Variants in WWOX observed in about 807,000 individuals in gnomAD.
The protein encoded by WWOX is WW domain containing oxidoreductase, also known as WW domain-containing oxidoreductase.
A neutral mutation model predicts 46.2 loss-of-function variants in WWOX; 69 were observed. That is an observed-to-expected ratio of 1.49 (90% confidence interval 1.23 to 1.82). WWOX has a LOEUF of 1.82. WWOX is among the 40% of genes most tolerant of loss of function. WWOX has a pLI of 0.00. For missense variants in WWOX, 919 were observed against 542.6 expected (o/e 1.69, Z -6.89); for synonymous variants, 359 against 202.6 (o/e 1.77, Z -6.56).
chr16:78,963,465 C>G (rs1167104277), intron 8 of WWOX, among the ~76,000 whole-genome samples: 2 of 152,134 alleles, frequency 1.3e-5, no homozygotes, highest in African/African-American at 2.4e-5. Flanking sequence ...AATACCCCGT[C>G]TCAGAAACAA....
At position 78,582,218 on chromosome 16, in the gene WWOX, A is replaced by G. The variant is rs535499165; in HGVS notation, c.1056+149466A>G. On this transcript the variant is annotated intron_variant, in intron 8 of 8. Coordinates refer to ENST00000566780, the MANE Select transcript of WWOX (RefSeq NM_016373.4). ...AGAAGAATGTTCCTAAGTGGTCAATACATGGCCAAAGTGTGTCAGGTGAAG... is the reference window on the plus strand; with the variant it reads ...AGAAGAATGTTCCTAAGTGGTCAATGCATGGCCAAAGTGTGTCAGGTGAAG... Among the ~76,000 whole-genome samples the G allele has an allele frequency of 5.9e-5, 9 of 152,328 alleles. No homozygotes were observed. In the South Asian group the frequency reaches 1.9e-3, roughly 32 times the overall value.
Position 79,211,652 on chromosome 16 carries a change from A to G in WWOX, c.1101A>G (p.Glu367=), listed in dbSNP as rs779384560. Residue 367 remains glutamate (E), a synonymous_variant, in exon 9 of 9, where the codon GAA becomes GAG. Transcript: ENST00000566780. ...CCGTGTACTGTGCTGCTGTCCCAGA[A>G]CTGGAGGGTCTGGGAGGGATGTACT... ...ATTVYCAAVP[E]LEGLGGMYFN... is the part of the protein sequence containing the mutation. The G allele has an allele frequency of 6.2e-7, 1 of 1,614,174 alleles. No individual in the cohort carries two copies. The highest frequency in any genetic ancestry group is 1.1e-5 in the South Asian group (1 of 91,084).
At chr16:78,336,368 G>A (rs1197283961) in intron 5 of WWOX, among the ~76,000 whole-genome samples, 2 of 150,512 alleles carry the variant, frequency 1.3e-5, no homozygotes, top group African/African-American at 4.9e-5. Flanking sequence ...TTAGCCAGGT[G>A]TGGTGATGTG....
chr16:78,523,640 C>CTTTTCGTAATGTGGTA (rs1386819456), intron 8 of WWOX, among the ~76,000 whole-genome samples: 3 of 152,198 alleles, frequency 2.0e-5, no homozygotes, highest in Non-Finnish European at 4.4e-5. Flanking sequence ...AAAAACTTCG[C>CTTTTCGTAATGTGGTA]TTTTCGTAAT....
At chr16:79,083,028 G>T (rs1356609478) in intron 8 of WWOX, among the ~76,000 whole-genome samples, 1 of 152,154 alleles carries the variant, frequency 6.6e-6, no homozygotes, top group Non-Finnish European at 1.5e-5. Flanking sequence ...AGACACAGCA[G>T]AGAACTTGGG....
intron 8 of WWOX, among the ~76,000 whole-genome samples, chr16:79,105,067 T>C (rs2049280651): frequency 6.6e-6 from 1 of 152,074 alleles, no homozygotes; most frequent in Non-Finnish European, 1.5e-5. Flanking sequence ...GAAAATGTGA[T>C]ATGACAGACT....
chr16:78,672,865 G>C (rs1344892905), intron 8 of WWOX, among the ~76,000 whole-genome samples: 2 of 152,320 alleles, frequency 1.3e-5, no homozygotes, highest in East Asian at 3.9e-4. Context: ...CATCGCCTTG[G>C]TGATGGATAG....
At chr16:78,815,943 C>G (rs563904978) in intron 8 of WWOX, among the ~76,000 whole-genome samples, 2 of 152,194 alleles carry the variant, frequency 1.3e-5, no homozygotes, top group Non-Finnish European at 2.9e-5. Flanking sequence ...CCTGCTCTCT[C>G]TCGATGTTCC....
At chr16:78,389,821 G>T (rs1402476707) in intron 6 of WWOX, among the ~76,000 whole-genome samples, 2 of 152,148 alleles carry the variant, frequency 1.3e-5, no homozygotes, top group African/African-American at 4.8e-5. Flanking sequence ...TGCAATCTCT[G>T]TTCATTGCAA....
At chr16:78,918,837 G>C (rs1187330227) in intron 8 of WWOX, among the ~76,000 whole-genome samples, 1 of 152,034 alleles carries the variant, frequency 6.6e-6, no homozygotes, top group Non-Finnish European at 1.5e-5. Flanking sequence ...TCCTTTGCGG[G>C]GTCTCACATG....
At chr16:78,945,975 C>G (rs1275504655) in intron 8 of WWOX, among the ~76,000 whole-genome samples, 1 of 152,110 alleles carries the variant, frequency 6.6e-6, no homozygotes, top group Non-Finnish European at 1.5e-5. Flanking sequence ...AATCACCTGT[C>G]CTGCCTTCCT....
intron 8 of WWOX, among the ~76,000 whole-genome samples, chr16:78,515,809 A>C (rs1390889920): frequency 2.0e-5 from 3 of 152,156 alleles, no homozygotes; most frequent in Non-Finnish European, 4.4e-5. Context: ...TCTTCCAATA[A>C]GTCAGCACCT....
chr16:78,751,461 T>TTTTATATA (rs368019503), intron 8 of WWOX, among the ~76,000 whole-genome samples: 1 of 128,438 alleles, frequency 7.8e-6, no homozygotes, highest in African/African-American at 3.0e-5. Context: ...TTATCAGATT[T>TTTTATATA]TATATATATA....
intron 8 of WWOX, among the ~76,000 whole-genome samples, chr16:78,792,204 C>G (rs1055281880): frequency 1.3e-5 from 2 of 152,126 alleles, no homozygotes; most frequent in African/African-American, 4.8e-5. Context: ...TTGAGGTGAC[C>G]TTGGCTAAGC....
At chr16:78,756,888 A>G (rs1248536153) in intron 8 of WWOX, 1 of 703,084 alleles carries the variant, frequency 1.4e-6, no homozygotes, top group Non-Finnish European at 2.6e-6. Context: ...ACGAGGCTAG[A>G]CCATAAAAAT....
chr16:78,271,649 G>A (rs1162448543), intron 5 of WWOX, among the ~76,000 whole-genome samples: 1 of 152,182 alleles, frequency 6.6e-6, no homozygotes, highest in Non-Finnish European at 1.5e-5. Context: ...GAGGTGGGAG[G>A]TTTTCTCTCA....
chr16:78,387,056 C>T (rs1340456578), intron 6 of WWOX, 108 bp downstream of exon 6: 2 of 1,146,746 alleles, frequency 1.7e-6, no homozygotes, highest in Admixed American at 1.8e-5. Flanking sequence ...GTCTTGGCGT[C>T]CAAACAGGAG....
intron 8 of WWOX, among the ~76,000 whole-genome samples, chr16:78,917,760 G>A (rs1053803290): frequency 2.0e-5 from 3 of 151,912 alleles, no homozygotes; most frequent in African/African-American, 7.3e-5. Context: ...ATGTCATAAG[G>A]TCTATTAATA....
Position 79,212,290 on chromosome 16 carries a change from C to G in WWOX, c.*494C>G, listed in dbSNP as rs943239376. ...TTCATCCTGACCAAGACTGAGCCAG[C>G]TTAGCAACTGCTGGGGAGACAAATC... On this transcript the variant is annotated 3_prime_UTR_variant, in exon 9 of 9. Transcript: ENST00000566780. The G allele has an allele frequency of 1.8e-4, 192 of 1,063,978 alleles. No homozygotes were observed. The highest frequency in any genetic ancestry group is 3.8e-5 in the Non-Finnish European group (29 of 765,134). The allele number at this position is 1,063,978 out of a possible 1,614,324, so 65.9% of individuals were successfully genotyped here.
Sources: gnomAD v4.1 joint callset for allele counts (sites outside exome capture counted in the v4.1 genomes callset) on GRCh38, gnomAD v4.1.1 for gene constraint, MANE v1.5 for transcripts, NCBI Gene and HGNC (gene_info 2026-07-23, HGNC 2026-07-21) for gene names.